ANTXR2: variants seen among roughly 807,000 people sequenced by gnomAD.
ANTXR2 encodes anthrax toxin receptor 2.
ANTXR2 carries 44 observed loss-of-function variants against 73.7 expected under a neutral mutation model. The ratio of observed to expected loss-of-function variants is 0.60; its 90% CI spans 0.47 to 0.77. ANTXR2 has a LOEUF of 0.77. Ranked by LOEUF, ANTXR2 falls within the 30% of genes least tolerant of loss-of-function variation. The pLI is 0.00. For synonymous variants in ANTXR2, 217 were observed against 205.9 expected (o/e 1.05, Z -0.46); for missense variants, 604 against 592.5 (o/e 1.02, Z -0.20).
chr4:80,054,167 T>C, intron 7 of ANTXR2, 105 bp downstream of exon 7: 1 of 830,396 alleles, frequency 1.2e-6, no homozygotes, highest in African/African-American at 1.8e-5. Flanking sequence ...CTTAATCTCT[T>C]TCCTCTAGAT....
chr4:80,072,921 C>T lies in ANTXR2; in HGVS notation c.-361G>A, dbSNP rs1486143233. 1 of 221,728 alleles carries T rather than the reference C, an allele frequency of 4.5e-6. No individual in the cohort carries two copies. Among genetic ancestry groups the T allele is most frequent in the Non-Finnish European group, 8.3e-6 (1 of 119,990 alleles). The allele number at this position is 221,728 out of a possible 1,614,324, so 13.7% of individuals were successfully genotyped here. A position where few individuals can be genotyped will look rare whatever the true frequency, so the allele number is the denominator to read the frequency against. ...CCGGCCTGGGGCCGAGCCTCCAGCG[C>T]CCGCCTCGGACCCGGACCTGGAACC... On this transcript the variant is annotated 5_prime_UTR_variant, in exon 1 of 17. Coordinates refer to ENST00000403729, the MANE Select transcript of ANTXR2 (RefSeq NM_058172.6).
In ANTXR2 at chr4:79,904,641, T is replaced by C. The variant is rs895800635; in HGVS notation, c.*2788A>G. The C allele has an allele frequency of 6.6e-6, 1 of 152,162 alleles. No homozygotes were observed. Among genetic ancestry groups the C allele is most frequent in the Non-Finnish European group, 1.5e-5 (1 of 68,008 alleles). 9.4% of individuals were successfully genotyped at this position (152,162 alleles called of 1,614,324 possible). A position where few individuals can be genotyped will look rare whatever the true frequency, so the allele number is the denominator to read the frequency against. The stretch of plus-strand genomic sequence containing the variant: ...ATATATATAGATGCCTTCAAAACTT[T>C]CTTTCTAGGCAGAGTAGACACATAA... On this transcript the variant is annotated 3_prime_UTR_variant, in exon 17 of 17. Transcript: ENST00000403729.
intron 7 of ANTXR2, among the ~76,000 whole-genome samples, chr4:80,045,568 A>G (rs1195185824): frequency 6.8e-6 from 1 of 147,042 alleles, no homozygotes; most frequent in African/African-American, 2.5e-5. Context: ...AGTAGAGTCT[A>G]AAAAAGCAAG....
chr4:80,021,502 T>G (rs1378712548), intron 10 of ANTXR2, among the ~76,000 whole-genome samples: 2 of 152,224 alleles, frequency 1.3e-5, no homozygotes, highest in African/African-American at 2.4e-5. Context: ...TCTTACTGAT[T>G]CAACTTTAAG....
rs1182494270 is a variant in ANTXR2 at position 80,036,135 on chromosome 4, CAATAGATCTCAGAGA to C, written c.637-118_637-104del. The C allele has an allele frequency of 1.6e-5, 15 of 916,788 alleles. No homozygotes were observed. In the Admixed American group the frequency reaches 5.1e-4, roughly 31 times the overall value. The allele number at this position is 916,788 out of a possible 1,614,324, so 56.8% of individuals were successfully genotyped here. On this transcript the variant is annotated intron_variant, in intron 7 of 16. Transcript: ENST00000403729. Reference sequence around the variant, plus strand: ...TAACCTTGAGGTCTTCTCCATACTTCAATAGATCTCAGAGAAAATCTATTAACTATAGCGTGTACA... The same window carrying C: ...TAACCTTGAGGTCTTCTCCATACTTCAAATCTATTAACTATAGCGTGTACA...
chr4:80,023,552 T>C (rs542080990), intron 10 of ANTXR2, among the ~76,000 whole-genome samples: 2 of 152,156 alleles, frequency 1.3e-5, no homozygotes, highest in South Asian at 4.1e-4. Flanking sequence ...CGATATTAAA[T>C]AGGTTTAGGC....
At chr4:79,947,605 TCTC>T (rs1382940367) in intron 16 of ANTXR2, among the ~76,000 whole-genome samples, 1 of 152,122 alleles carries the variant, frequency 6.6e-6, no homozygotes, top group African/African-American at 2.4e-5. Context: ...TTTAGTGTCT[TCTC>T]CTGATACGCA....
At chr4:79,983,750 A>G in intron 14 of ANTXR2, 128 bp downstream of exon 14, 1 of 756,574 alleles carries the variant, frequency 1.3e-6, no homozygotes, top group Non-Finnish European at 2.2e-6. Flanking sequence ...TATCCAGAAA[A>G]GACCCAGTGT....
intron 4 of ANTXR2, 121 bp downstream of exon 4, chr4:80,055,811 A>G (rs1733969229): frequency 2.7e-6 from 2 of 743,714 alleles, no homozygotes; most frequent in Non-Finnish European, 4.2e-6. Context: ...AACAACTAAA[A>G]GCACTTTAAA....
intron 10 of ANTXR2, chr4:80,024,529 G>A (rs945571616): frequency 2.4e-5 from 7 of 286,102 alleles, no homozygotes; most frequent in South Asian, 2.0e-4. Flanking sequence ...GGGAGGCCAA[G>A]GCGGGTGGTT....
At chr4:80,041,774 C>T (rs1419525861) in intron 7 of ANTXR2, among the ~76,000 whole-genome samples, 1 of 152,044 alleles carries the variant, frequency 6.6e-6, no homozygotes, top group African/African-American at 2.4e-5. Flanking sequence ...CAGCTCCATC[C>T]ATGTCCTTGC....
At chr4:79,966,492 G>A (rs1578118097) in intron 16 of ANTXR2, among the ~76,000 whole-genome samples, 2 of 152,080 alleles carry the variant, frequency 1.3e-5, no homozygotes, top group East Asian at 3.9e-4. Context: ...AATTAGCTGT[G>A]CCAAATATAC....
At chr4:80,028,658 G>A (rs1430690357) in intron 10 of ANTXR2, among the ~76,000 whole-genome samples, 1 of 152,092 alleles carries the variant, frequency 6.6e-6, no homozygotes, top group East Asian at 1.9e-4. Context: ...ATTCATTGTT[G>A]GGCCAGATGT....
chr4:80,068,911 TTAAA>T (rs1289930768), intron 3 of ANTXR2, among the ~76,000 whole-genome samples: 1 of 152,152 alleles, frequency 6.6e-6, no homozygotes, highest in Non-Finnish European at 1.5e-5. Flanking sequence ...ACTAAGGAGA[TTAAA>T]TAGATAGGTA....
intron 10 of ANTXR2, 83 bp downstream of exon 10, chr4:80,031,540 T>A: frequency 9.1e-7 from 1 of 1,093,704 alleles, no homozygotes; most frequent in East Asian, 3.1e-5. Context: ...AAAGATAGAA[T>A]AAAATGACCA....
chr4:79,962,244 CATAT>C (rs953745305), intron 16 of ANTXR2, among the ~76,000 whole-genome samples: 3 of 151,962 alleles, frequency 2.0e-5, no homozygotes, highest in Non-Finnish European at 4.4e-5. Context: ...AGAATATATG[CATAT>C]ATATAGTTAT....
chr4:79,963,439 A>G (rs1469802542), intron 16 of ANTXR2, among the ~76,000 whole-genome samples: 1 of 152,208 alleles, frequency 6.6e-6, no homozygotes, highest in Non-Finnish European at 1.5e-5. Context: ...TTCTTGAGAA[A>G]GCAATCGCCG....
At chr4:79,961,245 A>C (rs1729129273) in intron 16 of ANTXR2, among the ~76,000 whole-genome samples, 1 of 152,060 alleles carries the variant, frequency 6.6e-6, no homozygotes, top group East Asian at 1.9e-4. Context: ...CTCTGTAATA[A>C]AAAGTATATA....
chr4:80,069,380 A>C (rs1734674296), intron 3 of ANTXR2, 56 bp downstream of exon 3: 1 of 1,361,844 alleles, frequency 7.3e-7, no homozygotes. Context: ...AATATCAATC[A>C]TGCCTTTAAA....
Sources: gnomAD v4.1 joint callset for allele counts (sites outside exome capture counted in the v4.1 genomes callset) on GRCh38, gnomAD v4.1.1 for gene constraint, MANE v1.5 for transcripts, NCBI Gene and HGNC (gene_info 2026-07-23, HGNC 2026-07-21) for gene names.